The following RAB44 variants were observed in gnomAD, a reference collection of about 807,000 sequenced individuals.
RAB44 encodes ras-related protein Rab-44.
In RAB44, 67 loss-of-function variants were observed where a neutral mutation model predicts 93.3. The ratio of observed to expected loss-of-function variants is 0.72; its 90% CI spans 0.59 to 0.88. The LOEUF is 0.88. Among genes scored for constraint, RAB44 ranks in the 40% least tolerant of loss-of-function variants. The pLI, the probability that RAB44 is intolerant of heterozygous loss-of-function variation, is 0.00. For synonymous variants in RAB44, 427 were observed against 520.3 expected (o/e 0.82, Z 2.44); for missense variants, 1,064 against 1,261.7 (o/e 0.84, Z 2.37).
intron 2 of RAB44, among the ~76,000 whole-genome samples, chr6:36,704,786 A>G (rs932742320): frequency 2.0e-5 from 3 of 152,250 alleles, no homozygotes; most frequent in African/African-American, 7.2e-5. Flanking sequence ...GTAAACTTCA[A>G]TGAAATATAA....
intron 2 of RAB44, among the ~76,000 whole-genome samples, chr6:36,705,587 T>C (rs528470379): frequency 1.5e-3 from 230 of 152,274 alleles, no homozygotes; most frequent in Non-Finnish European, 2.8e-3. Flanking sequence ...TTCACCATGT[T>C]GGTCAGGCTG....
Position 36,717,170 on chromosome 6 carries a change from C to A in RAB44, c.495-103C>A, listed in dbSNP as rs781238406. 584 of 1,145,902 alleles carry A rather than the reference C, an allele frequency of 5.1e-4. No individual in the cohort carries two copies. Among genetic ancestry groups the A allele is most frequent in the African/African-American group, 8.3e-4 (52 of 62,606 alleles). The allele number at this position is 1,145,902 out of a possible 1,614,324, so 71.0% of individuals were successfully genotyped here. The stretch of plus-strand genomic sequence containing the variant: ...ATAGATTTGGCCCAGGTGCCAAAGT[C>A]TCTTGGAGCGCTGCAGTGAAAACTG... On this transcript the variant is annotated intron_variant, in intron 4 of 13. Coordinates refer to ENST00000612677, the MANE Select transcript of RAB44 (RefSeq NM_001257357.2). The surrounding 1 kb of genome is among the most constrained non-coding windows in gnomAD (Gnocchi z 4.1).
At chr6:36,730,560 CA>C in intron 12 of RAB44, 112 bp from the exon 13 acceptor site, 1 of 570,128 alleles carries the variant, frequency 1.8e-6, no homozygotes. Context: ...CCACTGAGGT[CA>C]GCTTAGGGAT....
chr6:36,698,417 C>T (rs989667934), intron 1 of RAB44, among the ~76,000 whole-genome samples: 2 of 152,328 alleles, frequency 1.3e-5, no homozygotes, highest in African/African-American at 4.8e-5. Flanking sequence ...TGCTGCCCCA[C>T]CCCACTCTTC....
At chr6:36,730,430 G>T (rs1205657131) in intron 12 of RAB44, among the ~76,000 whole-genome samples, 3 of 152,180 alleles carry the variant, frequency 2.0e-5, no homozygotes, top group African/African-American at 7.2e-5. Flanking sequence ...CACTCCGAAG[G>T]CTGTGAAATG....
chr6:36,705,965 T>C (rs1762640839), intron 2 of RAB44, among the ~76,000 whole-genome samples: 1 of 151,710 alleles, frequency 6.6e-6, no homozygotes. Flanking sequence ...AGTGGTGCAA[T>C]CATAGCTCAC....
At chr6:36,724,437 G>A (rs866320689) in intron 9 of RAB44, among the ~76,000 whole-genome samples, 47 of 152,080 alleles carry the variant, frequency 3.1e-4, no homozygotes, top group African/African-American at 8.9e-4. Flanking sequence ...GATTACAGGC[G>A]TGAGCCACTG....
chr6:36,700,748 TTTTG>T (rs1395489314), intron 1 of RAB44, among the ~76,000 whole-genome samples: 4 of 152,128 alleles, frequency 2.6e-5, no homozygotes, highest in Non-Finnish European at 5.9e-5. Flanking sequence ...GTTGTTGTTG[TTTTG>T]TTTATTAATC....
chr6:36,711,990 T>C (rs1476684603), intron 2 of RAB44, among the ~76,000 whole-genome samples: 2 of 151,938 alleles, frequency 1.3e-5, no homozygotes, highest in African/African-American at 4.8e-5. Flanking sequence ...ATTTCTACAG[T>C]TCCAGCCACA....
At chr6:36,716,414 G>T (rs1289100224) in intron 4 of RAB44, among the ~76,000 whole-genome samples, 1 of 150,052 alleles carries the variant, frequency 6.7e-6, no homozygotes, top group Non-Finnish European at 1.5e-5. Flanking sequence ...ATGTTGCAGT[G>T]AGCTGAGATC....
intron 9 of RAB44, among the ~76,000 whole-genome samples, chr6:36,725,556 G>C (rs549714016): frequency 7.9e-5 from 12 of 152,294 alleles, no homozygotes; most frequent in African/African-American, 2.4e-4. Context: ...GCAATAATTA[G>C]GGAATGGAAC....
intron 7 of RAB44, among the ~76,000 whole-genome samples, chr6:36,719,305 A>G (rs1196533323): frequency 6.6e-6 from 1 of 152,130 alleles, no homozygotes; most frequent in Non-Finnish European, 1.5e-5. Flanking sequence ...TACCAGGTTG[A>G]TTTCCCAGGT....
chr6:36,705,615 TCAGGTGATCCACCTGCC>T (rs1762630814), intron 2 of RAB44, among the ~76,000 whole-genome samples: 1 of 152,112 alleles, frequency 6.6e-6, no homozygotes, highest in Non-Finnish European at 1.5e-5. Flanking sequence ...GCTCCTGACT[TCAGGTGATCCACCTGCC>T]TCAGCCTCCC....
intron 1 of RAB44, among the ~76,000 whole-genome samples, chr6:36,699,137 G>A (rs983206492): frequency 2.6e-5 from 4 of 152,126 alleles, no homozygotes; most frequent in South Asian, 2.1e-4. Context: ...GGCAAGGAGC[G>A]GGTGGCTGAG....
chr6:36,720,279 T>C lies in RAB44; in HGVS notation c.829-84T>C, dbSNP rs1199413682. The C allele has an allele frequency of 2.7e-6, 3 of 1,126,528 alleles. No individual in the cohort carries two copies. In the African/African-American group the frequency reaches 4.8e-5, roughly 18 times the overall value. The allele number at this position is 1,126,528 out of a possible 1,614,324, so 69.8% of individuals were successfully genotyped here. A position where few individuals can be genotyped will look rare whatever the true frequency, so the allele number is the denominator to read the frequency against. On this transcript the variant is annotated intron_variant, in intron 7 of 13. Coordinates refer to ENST00000612677, the MANE Select transcript of RAB44 (RefSeq NM_001257357.2). ...CAGGAGCCTGGACAGGGGGTGGGGG[T>C]CTGTGTCCCACAATGGCCTTGGGAG...
rs1763267685 is a variant in RAB44, at chr6:36,727,586, T to C, written c.2691T>C (p.Ser897=). 1.9e-6 allele frequency: 3 copies of C among 1,550,348 alleles called. No homozygotes were observed. The highest frequency in any genetic ancestry group is 2.7e-5 in the African/African-American group (2 of 73,168). Residue 897 remains serine (S), a synonymous_variant, in exon 11 of 14, where the codon AGT becomes AGC. Transcript: ENST00000612677. ...CAGACTCTCTGGGCAGGTACCACAG[T>C]ATGACGCGACAGCTGCTCCGCAAGG... ...WDTAGQERYH[S]MTRQLLRKAD... is the part of the protein sequence containing the mutation.
At chr6:36,718,171 TG>T in intron 6 of RAB44, 53 bp downstream of exon 6, 2 of 1,170,166 alleles carry the variant, frequency 1.7e-6, no homozygotes, top group Non-Finnish European at 2.1e-6. Flanking sequence ...ACACCTCTGC[TG>T]GCTAAGGAAT....
At chr6:36,708,647 G>A (rs1218840332) in intron 2 of RAB44, among the ~76,000 whole-genome samples, 6 of 152,078 alleles carry the variant, frequency 3.9e-5, no homozygotes. Context: ...AGAGTAGATA[G>A]CTTTTTTATA....
At position 36,721,448 on chromosome 6, in the gene RAB44, G is replaced by A. The variant is rs1444752696; in HGVS notation, c.1314G>A (p.Val438=). 1.6e-6 allele frequency: 2 copies of A among 1,234,288 alleles called. No homozygotes were observed. Among genetic ancestry groups the A allele is most frequent in the African/African-American group, 1.6e-5 (1 of 64,466 alleles). 76.5% of individuals were successfully genotyped at this position (1,234,288 alleles called of 1,614,324 possible). A position where few individuals can be genotyped will look rare whatever the true frequency, so the allele number is the denominator to read the frequency against. The change falls in exon 9 of 14, where the codon GTG becomes GTA. Residue 438 remains valine, a synonymous_variant. Transcript: ENST00000612677. ...PDGAPRTPPG[V]TFSAKDNKGV... is the part of the protein sequence containing the mutation. ...GGGCTCCAAGGACCCCACCTGGGGTGACTTTCAGCGCCAAGGACAATAAAG... is the reference window on the plus strand; with the variant it reads ...GGGCTCCAAGGACCCCACCTGGGGTAACTTTCAGCGCCAAGGACAATAAAG...
Sources: allele counts gnomAD v4.1 joint callset (sites outside exome capture counted in the v4.1 genomes callset), GRCh38; gene constraint gnomAD v4.1.1; non-coding constraint Gnocchi (gnomAD v3.1); transcripts MANE v1.5; gene names NCBI Gene and HGNC (gene_info 2026-07-23, HGNC 2026-07-21).